ATXN1: variants seen among roughly 807,000 people sequenced by gnomAD.
ATXN1 encodes ataxin-1.
In ATXN1, 8 loss-of-function variants were observed where a neutral mutation model predicts 56.4. The observed-to-expected ratio is 0.14, with a 90% CI of 0.08 to 0.26. The LOEUF is 0.26. Ranked by LOEUF, ATXN1 falls within the 10% of genes least tolerant of loss-of-function variation. The probability of loss-of-function intolerance (pLI) is 1.00; values close to 1 mark genes in which losing one functional copy is unlikely to be tolerated. For missense variants in ATXN1, 987 were observed against 1,106.5 expected (o/e 0.89, Z 1.53); for synonymous variants, 514 against 494.6 (o/e 1.04, Z -0.52).
intron 4 of ATXN1, among the ~76,000 whole-genome samples, chr6:16,527,031 A>G (rs1165316679): frequency 6.6e-6 from 1 of 152,076 alleles, no homozygotes; most frequent in East Asian, 1.9e-4. Flanking sequence ...AAAAAAAAAA[A>G]AAAAAAATCA....
At chr6:16,704,147 C>T (rs140440557) in intron 2 of ATXN1, among the ~76,000 whole-genome samples, 7 of 152,164 alleles carry the variant, frequency 4.6e-5, no homozygotes, top group East Asian at 1.9e-4. Context: ...CCACACTGTA[C>T]GAATGTTTTG....
rs544197903 is a variant in ATXN1, at chr6:16,704,045, G to A, written c.-614-46144C>T. On this transcript the variant is annotated intron_variant, in intron 2 of 7. Transcript: ENST00000436367. ...AAAAAAACAAAGCAATAACAACAAC[G>A]GTTAAAGCAGCAGCTTTTATGTTGA... Among the ~76,000 whole-genome samples the A allele has an allele frequency of 1.2e-4, 18 of 152,232 alleles. No individual in the cohort carries two copies. The East Asian group carries it at 2.9e-3, about 24-fold the overall frequency.
chr6:16,665,740 C>G (rs1005897529), intron 2 of ATXN1, among the ~76,000 whole-genome samples: 4 of 152,334 alleles, frequency 2.6e-5, no homozygotes, highest in Admixed American at 2.6e-4. Flanking sequence ...TGGTCAAGAA[C>G]ATGAGATAAA....
chr6:16,636,967 A>C (rs1763609241), intron 3 of ATXN1, among the ~76,000 whole-genome samples: 1 of 152,196 alleles, frequency 6.6e-6, no homozygotes, highest in Non-Finnish European at 1.5e-5. Flanking sequence ...AACTAGAAAT[A>C]CCATTTGACC....
At chr6:16,324,377 G>T (rs1760753905) in intron 7 of ATXN1, among the ~76,000 whole-genome samples, 1 of 151,916 alleles carries the variant, frequency 6.6e-6, no homozygotes, top group African/African-American at 2.4e-5. Flanking sequence ...CTGGAGCCTA[G>T]GAGGTCAAGG....
intron 6 of ATXN1, among the ~76,000 whole-genome samples, chr6:16,331,092 C>T (rs906485067): frequency 6.6e-6 from 1 of 152,134 alleles, no homozygotes. Flanking sequence ...CCTCCGCCTC[C>T]CGGGTTCAAG....
At chr6:16,759,408 C>T (rs1355711713) in intron 1 of ATXN1, among the ~76,000 whole-genome samples, 1 of 152,068 alleles carries the variant, frequency 6.6e-6, no homozygotes, top group African/African-American at 2.4e-5. Context: ...AGCTAAGAAT[C>T]TCTTCGGGGA....
intron 6 of ATXN1, among the ~76,000 whole-genome samples, chr6:16,471,930 G>A (rs964946130): frequency 2.0e-5 from 3 of 152,158 alleles, no homozygotes; most frequent in Admixed American, 6.5e-5. Context: ...GCAACCAAGT[G>A]TGTAGCTTTG....
chr6:16,576,000 C>A (rs1022783231), intron 4 of ATXN1, among the ~76,000 whole-genome samples: 4 of 152,052 alleles, frequency 2.6e-5, no homozygotes, highest in Non-Finnish European at 4.4e-5. Flanking sequence ...CCACATCAAA[C>A]CTCAAGGGCA....
intron 5 of ATXN1, among the ~76,000 whole-genome samples, chr6:16,502,215 TTTAAG>T (rs1185888052): frequency 6.6e-6 from 1 of 152,198 alleles, no homozygotes; most frequent in Non-Finnish European, 1.5e-5. Context: ...TTGCTATACT[TTTAAG>T]TTAACTACTT....
intron 6 of ATXN1, among the ~76,000 whole-genome samples, chr6:16,466,314 T>C (rs958682029): frequency 3.3e-5 from 2 of 60,174 alleles, no homozygotes; most frequent in Non-Finnish European, 5.6e-5. Context: ...TCAGACCCCA[T>C]CTCAAAAAAA....
At chr6:16,423,286 T>C (rs1272425057) in intron 6 of ATXN1, among the ~76,000 whole-genome samples, 1 of 152,226 alleles carries the variant, frequency 6.6e-6, no homozygotes. Context: ...ATGATATAAA[T>C]GAAGGTTATC....
At chr6:16,313,756 T>C (rs912636862) in intron 7 of ATXN1, among the ~76,000 whole-genome samples, 2 of 151,978 alleles carry the variant, frequency 1.3e-5, no homozygotes, top group Non-Finnish European at 2.9e-5. Flanking sequence ...CGGGGTTTCA[T>C]TCACCATGTT....
intron 2 of ATXN1, among the ~76,000 whole-genome samples, chr6:16,703,055 A>C (rs1759322345): frequency 6.6e-6 from 1 of 152,176 alleles, no homozygotes; most frequent in Admixed American, 6.5e-5. Flanking sequence ...GGCACTATTC[A>C]CAATAGCAAA....
chr6:16,678,339 C>T (rs1055857042), intron 2 of ATXN1, among the ~76,000 whole-genome samples: 1 of 152,166 alleles, frequency 6.6e-6, no homozygotes, highest in Non-Finnish European at 1.5e-5. Flanking sequence ...ATATTTTCAG[C>T]GATTTAGGTA....
At chr6:16,539,060 T>C (rs1761662148) in intron 4 of ATXN1, among the ~76,000 whole-genome samples, 1 of 152,178 alleles carries the variant, frequency 6.6e-6, no homozygotes. Flanking sequence ...CCACTCTAAG[T>C]CTGTTCATTT....
intron 4 of ATXN1, among the ~76,000 whole-genome samples, chr6:16,583,156 T>C (rs996998811): frequency 1.3e-5 from 2 of 152,232 alleles, no homozygotes; most frequent in African/African-American, 4.8e-5. Flanking sequence ...AGCTAACATG[T>C]CTTAATTAGG....
intron 4 of ATXN1, among the ~76,000 whole-genome samples, chr6:16,547,367 A>G (rs1479319395): frequency 6.6e-6 from 1 of 152,194 alleles, no homozygotes; most frequent in South Asian, 2.1e-4. Context: ...AAGTCAAACC[A>G]GAGGAAATCT....
chr6:16,651,827 C>G (rs991231402), intron 3 of ATXN1, among the ~76,000 whole-genome samples: 2 of 152,194 alleles, frequency 1.3e-5, no homozygotes, highest in African/African-American at 4.8e-5. Context: ...GGTGCAGATG[C>G]CTTCAGGGAA....
Sources: allele counts gnomAD v4.1 joint callset (sites outside exome capture counted in the v4.1 genomes callset), GRCh38; gene constraint gnomAD v4.1.1; transcripts MANE v1.5; gene names NCBI Gene and HGNC (gene_info 2026-07-23, HGNC 2026-07-21).